The following ERC2 variants were observed in gnomAD, a reference collection of about 807,000 sequenced individuals.
ERC2 encodes the protein ERC protein 2.
In ERC2, 42 loss-of-function variants were observed where a neutral mutation model predicts 114.8. That is an observed-to-expected ratio of 0.37 (90% CI 0.29 to 0.47). ERC2 has a LOEUF of 0.47. ERC2 is among the 20% of genes least tolerant of loss of function. The pLI is 0.99. For missense variants in ERC2, 939 were observed against 1,150.7 expected (o/e 0.82, Z 2.66); for synonymous variants, 454 against 425.5 (o/e 1.07, Z -0.82).
At chr3:56,384,620 T>C (rs1486374283) in intron 2 of ERC2, among the ~76,000 whole-genome samples, 1 of 152,156 alleles carries the variant, frequency 6.6e-6, no homozygotes, top group East Asian at 1.9e-4. Flanking sequence ...TTAACAGATA[T>C]ATGATTTGCA....
chr3:55,571,124 C>CAAAA lies in ERC2; in HGVS notation c.*40-59852_*40-59849dup, dbSNP rs60594862. On this transcript the variant is annotated intron_variant, in intron 17 of 17. Coordinates refer to ENST00000288221, the MANE Select transcript of ERC2 (RefSeq NM_015576.3). ...GCCTGGCAACAGAGCGAGACTCCGT[C>CAAAA]AAAAAAAAAAAAAAAAAAAAAAAAA... Among the ~76,000 whole-genome samples, 237 of 67,416 alleles carry CAAAA rather than the reference C, an allele frequency of 3.5e-3. 8 individuals carry two copies. The East Asian group carries it at 0.04, about 11-fold the overall frequency. 44.2% of individuals were successfully genotyped at this position (67,416 alleles called of 152,430 possible). A position where few individuals can be genotyped will look rare whatever the true frequency, so the allele number is the denominator to read the frequency against.
chr3:56,238,193 C>T (rs1377593008), intron 3 of ERC2, among the ~76,000 whole-genome samples: 1 of 152,146 alleles, frequency 6.6e-6, no homozygotes, highest in African/African-American at 2.4e-5. Context: ...AGGGACTCAC[C>T]TGAACTTGGA....
At position 56,155,323 on chromosome 3, in the gene ERC2, A is replaced by G. The variant is rs150214365; in HGVS notation, c.1150-6191T>C. 1.8e-3 allele frequency among the ~76,000 whole-genome samples: 269 copies of G among 151,890 alleles called. 4 individuals carry two copies. Among genetic ancestry groups the G allele is most frequent in the African/African-American group, 6.3e-3 (262 of 41,432 alleles). On this transcript the variant is annotated intron_variant, in intron 4 of 17. Coordinates refer to ENST00000288221, the MANE Select transcript of ERC2 (RefSeq NM_015576.3). ...TTTAGGGGACTAACATTAATCCAGA[A>G]GAGAAAAGATCTCTCTCTTATTTTC... is the stretch of plus-strand genomic sequence containing the variant.
At chr3:55,810,043 T>C (rs1416866564) in intron 14 of ERC2, among the ~76,000 whole-genome samples, 1 of 152,196 alleles carries the variant, frequency 6.6e-6, no homozygotes, top group Non-Finnish European at 1.5e-5. Context: ...CTTCACAAGA[T>C]ATGTTTAACT....
At chr3:56,333,697 CAT>C (rs1491129385) in intron 2 of ERC2, among the ~76,000 whole-genome samples, 18 of 140,602 alleles carry the variant, frequency 1.3e-4, no homozygotes, top group Middle Eastern at 3.5e-3. Context: ...TCCAAATGAA[CAT>C]TTTTTTTTTC....
chr3:56,154,548 G>A (rs1170234317), intron 4 of ERC2, among the ~76,000 whole-genome samples: 1 of 152,148 alleles, frequency 6.6e-6, no homozygotes, highest in Non-Finnish European at 1.5e-5. Flanking sequence ...ATGAGCAGAT[G>A]TGTCTCTAGT....
chr3:55,817,664 C>T (rs1028917659), intron 14 of ERC2, among the ~76,000 whole-genome samples: 1 of 152,312 alleles, frequency 6.6e-6, no homozygotes, highest in East Asian at 1.9e-4. Flanking sequence ...TCTGAATTCA[C>T]CTGCTTTATT....
intron 17 of ERC2, among the ~76,000 whole-genome samples, chr3:55,662,831 ACTAACCT>A (rs2061195294): frequency 6.6e-6 from 1 of 152,218 alleles, no homozygotes; most frequent in Non-Finnish European, 1.5e-5. Context: ...AGCTAAAATG[ACTAACCT>A]CTGAGCAATT....
intron 3 of ERC2, among the ~76,000 whole-genome samples, chr3:56,236,932 G>C (rs553223540): frequency 1.3e-5 from 2 of 152,258 alleles, no homozygotes; most frequent in Admixed American, 1.3e-4. Flanking sequence ...ACGAATGTTG[G>C]TAAAAACATC....
intron 3 of ERC2, among the ~76,000 whole-genome samples, chr3:56,238,737 C>T (rs1576015225): frequency 1.3e-5 from 2 of 152,288 alleles, no homozygotes; most frequent in South Asian, 4.1e-4. Context: ...GCTTCTAGTT[C>T]CTTCTCTAAA....
At chr3:55,572,016 T>A (rs2056740690) in intron 17 of ERC2, among the ~76,000 whole-genome samples, 1 of 152,024 alleles carries the variant, frequency 6.6e-6, no homozygotes, top group South Asian at 2.1e-4. Context: ...ACCCAGGGAG[T>A]GCAGTTCTTC....
chr3:55,796,760 A>C lies in ERC2; in HGVS notation c.2565-61842T>G, dbSNP rs531702968. On this transcript the variant is annotated intron_variant, in intron 14 of 17. Transcript: ENST00000288221. ...TTTCTATGATAAAAATTGTACTGGAACACAGCCACACCCATTTGTTTATAA... is the reference window on the plus strand; with the variant it reads ...TTTCTATGATAAAAATTGTACTGGACCACAGCCACACCCATTTGTTTATAA... 8.3e-3 allele frequency among the ~76,000 whole-genome samples: 1,263 copies of C among 152,288 alleles called. 17 individuals carry two copies. Among genetic ancestry groups the C allele is most frequent in the Non-Finnish European group, 0.014 (962 of 68,018 alleles).
chr3:56,347,247 C>T (rs1036137992), intron 2 of ERC2, among the ~76,000 whole-genome samples: 3 of 152,046 alleles, frequency 2.0e-5, no homozygotes, highest in African/African-American at 4.8e-5. Context: ...CCATGGTAGT[C>T]GAAACAACAC....
chr3:56,001,888 C>T (rs1350114809), intron 10 of ERC2, among the ~76,000 whole-genome samples: 1 of 152,056 alleles, frequency 6.6e-6, no homozygotes, highest in African/African-American at 2.4e-5. Flanking sequence ...TTTTTAAACA[C>T]TCATTTTTTC....
chr3:56,279,893 G>T (rs2054236015), intron 3 of ERC2, among the ~76,000 whole-genome samples: 1 of 152,226 alleles, frequency 6.6e-6, no homozygotes, highest in Non-Finnish European at 1.5e-5. Context: ...GGTATGGTAA[G>T]CTGAGTAACG....
intron 4 of ERC2, among the ~76,000 whole-genome samples, chr3:56,152,870 A>G (rs1017950726): frequency 1.3e-5 from 2 of 152,176 alleles, no homozygotes; most frequent in Admixed American, 6.5e-5. Flanking sequence ...CATCTCAAAA[A>G]ATGCAAAATA....
intron 6 of ERC2, among the ~76,000 whole-genome samples, chr3:56,091,768 G>C (rs1365036127): frequency 6.6e-6 from 1 of 152,134 alleles, no homozygotes; most frequent in Non-Finnish European, 1.5e-5. Flanking sequence ...TCATAGTCAT[G>C]GATAACAAGA....
intron 4 of ERC2, among the ~76,000 whole-genome samples, chr3:56,161,127 G>T (rs1252034890): frequency 6.6e-6 from 1 of 152,122 alleles, no homozygotes; most frequent in Non-Finnish European, 1.5e-5. Context: ...TCTGGTTGTT[G>T]AAAAAGAGTC....
intron 12 of ERC2, among the ~76,000 whole-genome samples, chr3:55,956,389 G>A (rs945931722): frequency 2.0e-5 from 3 of 152,142 alleles, no homozygotes; most frequent in African/African-American, 4.8e-5. Flanking sequence ...AATGCACATT[G>A]CATGCAGAAT....
Sources: gnomAD v4.1 joint callset for allele counts (sites outside exome capture counted in the v4.1 genomes callset) on GRCh38, gnomAD v4.1.1 for gene constraint, MANE v1.5 for transcripts, NCBI Gene and HGNC (gene_info 2026-07-23, HGNC 2026-07-21) for gene names.